The following LPA variants were observed in gnomAD, a reference collection of about 807,000 sequenced individuals.
The protein encoded by LPA is apolipoprotein(a).
LPA carries 199 observed loss-of-function variants against 197.9 expected under a neutral mutation model. The ratio of observed to expected loss-of-function variants is 1.01; its 90% confidence interval spans 0.90 to 1.13. The LOEUF is 1.13. LPA is among the 50% of genes most tolerant of loss of function. LPA has a pLI of 0.00. For synonymous variants in LPA, 715 were observed against 639.5 expected, an observed-to-expected ratio of 1.12 and a Z score of -1.78; for missense variants, 1,853 against 1,785.8, an observed-to-expected ratio of 1.04 and a Z score of -0.68.
intron 28 of LPA, among the ~76,000 whole-genome samples, chr6:160,565,325 T>G (rs1457701545): frequency 6.6e-6 from 1 of 152,118 alleles, no homozygotes; most frequent in Non-Finnish European, 1.5e-5. Flanking sequence ...GAGATGAAGC[T>G]TCCAGAGGAA....
intron 28 of LPA, among the ~76,000 whole-genome samples, chr6:160,565,984 A>T (rs1285304790): frequency 6.6e-6 from 1 of 152,182 alleles, no homozygotes; most frequent in Non-Finnish European, 1.5e-5. Context: ...AGAGAAAAAA[A>T]GGAGTAAAAA....
intron 2 of LPA, among the ~76,000 whole-genome samples, chr6:160,647,307 G>T (rs1448769635): frequency 6.6e-6 from 1 of 152,148 alleles, no homozygotes; most frequent in African/African-American, 2.4e-5. Flanking sequence ...TTGGGCTGCG[G>T]GGATCTTGAA....
intron 18 of LPA, among the ~76,000 whole-genome samples, chr6:160,602,429 C>T (rs7769523): frequency 0.051 from 7,722 of 152,216 alleles, 684 homozygotes; most frequent in African/African-American, 0.18. Context: ...ATGATTTAGT[C>T]TATATGTTCA....
chr6:160,656,804 T>C (rs1025716401), intron 1 of LPA, among the ~76,000 whole-genome samples: 2 of 152,210 alleles, frequency 1.3e-5, no homozygotes, highest in Non-Finnish European at 2.9e-5. Context: ...TGAGGGCCCA[T>C]GATTCTCTGT....
chr6:160,607,582 C>T (rs780090125), intron 16 of LPA, among the ~76,000 whole-genome samples: 2 of 152,150 alleles, frequency 1.3e-5, no homozygotes, highest in Non-Finnish European at 2.9e-5. Flanking sequence ...AGCATTTGCT[C>T]TTCCTTATGC....
Position 160,578,813 on chromosome 6 carries a change from A to T in LPA, c.4290-109T>A, listed in dbSNP as rs931450669. 4.1e-6 allele frequency: 6 copies of T among 1,479,354 alleles called. No homozygotes were observed. The African/African-American group carries it at 6.9e-5, about 17-fold the overall frequency. The allele number at this position is 1,479,354 out of a possible 1,614,324, so 91.6% of individuals were successfully genotyped here. On this transcript the variant is annotated intron_variant, in intron 26 of 38. Transcript: ENST00000316300. ...AAGTGTTAACAAGTGCCTTTGAAAT[A>T]TTCCCATTATACCACAATAATATTG...
At chr6:160,658,866 ATAG>A (rs756459889) in intron 1 of LPA, among the ~76,000 whole-genome samples, 3,937 of 87,484 alleles carry the variant, frequency 0.045, 72 homozygotes, top group East Asian at 0.064. Flanking sequence ...GACAGAACTA[ATAG>A]GAGATTATAT....
chr6:160,647,331 C>T (rs1180852931), intron 2 of LPA, among the ~76,000 whole-genome samples: 1 of 152,188 alleles, frequency 6.6e-6, no homozygotes, highest in Non-Finnish European at 1.5e-5. Context: ...TTCGCTCTTC[C>T]TTATGCCTCC....
chr6:160,569,069 A>C (rs1280486000), intron 28 of LPA, among the ~76,000 whole-genome samples: 1 of 152,242 alleles, frequency 6.6e-6, no homozygotes, highest in Non-Finnish European at 1.5e-5. Context: ...AAGGTAATTT[A>C]TAGATTCAAT....
rs148286601 is a variant in LPA at position 160,555,357 on chromosome 6, A to G, written c.4973+668T>C. ...TGTCCTGCAAATTGTATGGCTATAC[A>G]GCTTGCAGCTGTGCAGGCTATAGGG... is the stretch of plus-strand genomic sequence containing the variant. On this transcript the variant is annotated intron_variant, in intron 30 of 38. Coordinates refer to ENST00000316300, the MANE Select transcript of LPA (RefSeq NM_005577.4). 7.5e-3 allele frequency among the ~76,000 whole-genome samples: 1,077 copies of G among 143,680 alleles called. 21 individuals carry two copies. Among genetic ancestry groups the G allele is most frequent in the African/African-American group, 0.026 (1,010 of 38,984 alleles). 94.3% of individuals were successfully genotyped at this position (143,680 alleles called of 152,430 possible). A position where few individuals can be genotyped will look rare whatever the true frequency, so the allele number is the denominator to read the frequency against.
Position 160,595,385 on chromosome 6 carries a change from T to G in LPA, c.3438A>C (p.Pro1146=), listed in dbSNP as rs1434444826. The G allele has an allele frequency of 1.2e-6, 2 of 1,613,104 alleles. No homozygotes were observed. Among genetic ancestry groups the G allele is most frequent in the African/African-American group, 1.3e-5 (1 of 74,848 alleles). The change falls in exon 21 of 39, where the codon CCA becomes CCC. Residue 1146 remains proline, a synonymous_variant. Transcript: ENST00000316300. ...SSVLATLTVV[P]DPSTEASSEE... is the part of the protein sequence containing the mutation. ...CAGAAGAAGCCTCTGTGCTTGGATC[T>G]GGGACCACCGTGAGAGTTGCAAGGA...
intron 32 of LPA, 85 bp downstream of exon 32, chr6:160,547,704 T>C: frequency 6.3e-7 from 1 of 1,587,138 alleles, no homozygotes. Context: ...CCTCCTGAAG[T>C]CTTTCCAGTA....
At chr6:160,535,821 G>A (rs1654891398) in intron 37 of LPA, among the ~76,000 whole-genome samples, 1 of 152,158 alleles carries the variant, frequency 6.6e-6, no homozygotes, top group African/African-American at 2.4e-5. Context: ...ACTGCCCAAT[G>A]TCACATGGAA....
Position 160,586,526 on chromosome 6 carries a change from C to T in LPA, c.4052G>A (p.Cys1351Tyr). Reference sequence around the variant, plus strand: ...GAGGAGAGTTGATTCCATCACTGGACATTGCGTCAGGTTGCAGTACTCCCA... The same window carrying T: ...GAGGAGAGTTGATTCCATCACTGGATATTGCGTCAGGTTGCAGTACTCCCA... ...VRWEYCNLTQCPVMESTLLTT... is the reference protein window; with the variant it reads ...VRWEYCNLTQYPVMESTLLTT... Residue 1351 changes from cysteine to tyrosine, a missense_variant, in exon 25 of 39, where the codon TGT becomes TAT. Around this residue, in one of 3 missense-constraint regions of LPA, gnomAD observed 1,737 missense variants for 1,504.4 expected, o/e 1.15. Transcript: ENST00000316300. 1.2e-6 allele frequency: 2 copies of T among 1,613,794 alleles called. No individual in the cohort carries two copies. Among genetic ancestry groups the T allele is most frequent in the Non-Finnish European group, 1.7e-6 (2 of 1,179,782 alleles).
At chr6:160,599,796 CA>C (rs1779203818) in intron 19 of LPA, 137 bp from the exon 20 acceptor site, 2 of 877,074 alleles carry the variant, frequency 2.3e-6, no homozygotes, top group Admixed American at 2.2e-5. Context: ...GGCAAATGGA[CA>C]TGAGAAAACA....
chr6:160,540,689 G>A (rs1303609029), intron 35 of LPA, among the ~76,000 whole-genome samples: 4 of 152,220 alleles, frequency 2.6e-5, no homozygotes, highest in Non-Finnish European at 5.9e-5. Context: ...CACAGAAGCA[G>A]AGGAGATGAC....
At position 160,585,097 on chromosome 6, in the gene LPA, G is replaced by T; in HGVS notation, c.4238C>A (p.Ser1413Ter). ...TITGRTCQSWSSMTPHWHRRI... is the reference protein window; with the variant it reads ...TITGRTCQSW ...CCGATGCCAATGTGGTGTCATAGAC[G>T]ACCAAGACTGACATGTTCTTCCTGT... Residue 1413 changes from serine (S) to a stop codon, truncating the protein, a stop_gained, in exon 26 of 39, where the codon TCG becomes TAG. Coordinates refer to ENST00000316300, the MANE Select transcript of LPA (RefSeq NM_005577.4). LOFTEE classifies it high-confidence loss of function. 6.2e-7 allele frequency: 1 copy of T among 1,613,754 alleles called. No homozygotes were observed. Among genetic ancestry groups the T allele is most frequent in the Non-Finnish European group, 8.5e-7 (1 of 1,179,756 alleles).
rs777453960 is a variant in LPA at position 160,606,532 on chromosome 6, G to T, written c.2730C>A (p.Ala910=). The part of the protein sequence containing the change: ...LTQCSDAEGT[A]VAPPTITPIP... ...TCGGGGTAATAGTTGGAGGCGCGAC[G>T]GCAGTCCCTTCTGCGTCTGAGCATT... Residue 910 remains alanine, a synonymous_variant, in exon 17 of 39, where the codon GCC becomes GCA. Coordinates refer to ENST00000316300, the MANE Select transcript of LPA (RefSeq NM_005577.4). The T allele has an allele frequency of 1.9e-5, 30 of 1,613,406 alleles. No individual in the cohort carries two copies. The highest frequency in any genetic ancestry group is 2.5e-5 in the Non-Finnish European group (30 of 1,179,892).
At chr6:160,553,954 T>TGTGTGTGTGCGCGC (rs771903485) in intron 30 of LPA, among the ~76,000 whole-genome samples, 19 of 130,806 alleles carry the variant, frequency 1.5e-4, no homozygotes, top group African/African-American at 4.2e-4. Flanking sequence ...TGTGTGTGTG[T>TGTGTGTGTGCGCGC]GCGCGCGCGC....
Sources: allele counts gnomAD v4.1 joint callset (sites outside exome capture counted in the v4.1 genomes callset), GRCh38; gene constraint gnomAD v4.1.1; regional missense constraint gnomAD v4.1.1; transcripts MANE v1.5; gene names NCBI Gene and HGNC (gene_info 2026-07-23, HGNC 2026-07-21).